Variants in ZFPM2 observed in about 807,000 individuals in gnomAD.
ZFPM2 encodes zinc finger protein, FOG family member 2, also known as zinc finger protein ZFPM2.
ZFPM2 carries 20 observed loss-of-function variants against 98.6 expected under a neutral mutation model. The ratio of observed to expected loss-of-function variants is 0.20; its 90% CI spans 0.14 to 0.29. The LOEUF is 0.29. ZFPM2 is among the 10% of genes least tolerant of loss of function. ZFPM2 has a pLI of 1.00. For synonymous variants in ZFPM2, 518 were observed against 502.7 expected, an observed-to-expected ratio of 1.03 and a Z score of -0.41; for missense variants, 1,310 against 1,388.6, an observed-to-expected ratio of 0.94 and a Z score of 0.90.
chr8:105,612,319 C>T (rs1816323918), intron 4 of ZFPM2, among the ~76,000 whole-genome samples: 2 of 151,556 alleles, frequency 1.3e-5, no homozygotes, highest in South Asian at 4.2e-4. Flanking sequence ...TATAAAAGTG[C>T]ATTGGTTTTC....
intron 3 of ZFPM2, among the ~76,000 whole-genome samples, chr8:105,555,082 C>CTT (rs879460703): frequency 7.1e-6 from 1 of 140,510 alleles, no homozygotes; most frequent in Non-Finnish European, 1.6e-5. Context: ...GACTTAGGGC[C>CTT]TTTTTTTTTT....
intron 1 of ZFPM2, among the ~76,000 whole-genome samples, chr8:105,337,764 A>G (rs1164022320): frequency 6.7e-6 from 1 of 150,374 alleles, no homozygotes; most frequent in Non-Finnish European, 1.5e-5. Flanking sequence ...TTTTTTTTTA[A>G]TTTAGTGAAA....
At chr8:105,695,588 T>C (rs1353466174) in intron 5 of ZFPM2, among the ~76,000 whole-genome samples, 1 of 152,102 alleles carries the variant, frequency 6.6e-6, no homozygotes, top group East Asian at 1.9e-4. Context: ...CACATTTCAG[T>C]GTTTTGTTAA....
intron 5 of ZFPM2, among the ~76,000 whole-genome samples, chr8:105,723,210 T>C (rs968654073): frequency 4.6e-5 from 7 of 151,944 alleles, no homozygotes; most frequent in African/African-American, 1.7e-4. Flanking sequence ...TTGGCTCTGT[T>C]GAAAATCCTG....
Position 105,706,070 on chromosome 8 carries a change from T to G in ZFPM2, c.532+71713T>G, listed in dbSNP as rs116871170. Among the ~76,000 whole-genome samples, 388 of 152,236 alleles carry G rather than the reference T, an allele frequency of 2.5e-3. 1 individual carries two copies. The highest frequency in any genetic ancestry group is 4.5e-3 in the Non-Finnish European group (307 of 68,008). ...CCCAGGCATGTGAGTGTATATATAT[T>G]TATCCCCATTTTATTGATGAAGGAG... On this transcript the variant is annotated intron_variant, in intron 5 of 7. Coordinates refer to ENST00000407775, the MANE Select transcript of ZFPM2 (RefSeq NM_012082.4).
chr8:105,533,484 G>A (rs2130591421), intron 3 of ZFPM2, among the ~76,000 whole-genome samples: 1 of 152,192 alleles, frequency 6.6e-6, no homozygotes, highest in East Asian at 1.9e-4. Context: ...GTATCTGGAA[G>A]AGTACTATAT....
intron 5 of ZFPM2, among the ~76,000 whole-genome samples, chr8:105,701,306 T>A (rs1180294395): frequency 1.3e-5 from 2 of 152,218 alleles, no homozygotes; most frequent in Non-Finnish European, 2.9e-5. Flanking sequence ...TTTCTTTGAC[T>A]CAGTGATTAT....
At chr8:105,574,558 T>C (rs1815424720) in intron 4 of ZFPM2, among the ~76,000 whole-genome samples, 1 of 152,182 alleles carries the variant, frequency 6.6e-6, no homozygotes, top group Non-Finnish European at 1.5e-5. Context: ...TAGAGCTCCA[T>C]ACAGAATGGA....
At chr8:105,713,658 A>G (rs912082685) in intron 5 of ZFPM2, among the ~76,000 whole-genome samples, 1 of 152,036 alleles carries the variant, frequency 6.6e-6, no homozygotes, top group African/African-American at 2.4e-5. Context: ...GGTGAGAGGT[A>G]GGCATCCAGG....
intron 3 of ZFPM2, among the ~76,000 whole-genome samples, chr8:105,449,484 A>G (rs994578339): frequency 6.6e-6 from 1 of 152,068 alleles, no homozygotes; most frequent in African/African-American, 2.4e-5. Context: ...GTAGAAAATC[A>G]AACACTATAT....
chr8:105,438,515 C>T (rs1305409305), intron 2 of ZFPM2, among the ~76,000 whole-genome samples: 1 of 152,172 alleles, frequency 6.6e-6, no homozygotes, highest in Non-Finnish European at 1.5e-5. Flanking sequence ...GCAATGTATT[C>T]TTCCAGACAC....
chr8:105,573,037 C>T (rs1018666010), intron 4 of ZFPM2, among the ~76,000 whole-genome samples: 5 of 152,050 alleles, frequency 3.3e-5, no homozygotes, highest in Non-Finnish European at 7.4e-5. Context: ...ATAATGTCTC[C>T]CACAAGGCTT....
rs1158726315 is a variant in ZFPM2 at position 105,382,516 on chromosome 8, TA to T, written c.41-36624del. 1.6e-4 allele frequency among the ~76,000 whole-genome samples: 25 copies of T among 152,064 alleles called. 1 individual carries two copies. The highest frequency in any genetic ancestry group is 1.6e-3 in the Admixed American group (25 of 15,250). On this transcript the variant is annotated intron_variant, in intron 1 of 7. Coordinates refer to ENST00000407775, the MANE Select transcript of ZFPM2 (RefSeq NM_012082.4). ...CCTTCATTGAGAAGAATATTAAAAA[TA>T]AAATAGAAAATGTTATTTTACCCTT...
chr8:105,593,727 A>G (rs1469420453), intron 4 of ZFPM2, among the ~76,000 whole-genome samples: 1 of 151,860 alleles, frequency 6.6e-6, no homozygotes, highest in Non-Finnish European at 1.5e-5. Context: ...ACATTAAAAT[A>G]TTGAACACAC....
chr8:105,695,371 G>A (rs1008514563), intron 5 of ZFPM2, among the ~76,000 whole-genome samples: 2 of 144,758 alleles, frequency 1.4e-5, no homozygotes, highest in Non-Finnish European at 3.0e-5. Flanking sequence ...AGGCAAGAAT[G>A]GTTTGTATTT....
intron 5 of ZFPM2, among the ~76,000 whole-genome samples, chr8:105,700,157 A>G (rs1486242527): frequency 6.6e-6 from 1 of 152,218 alleles, no homozygotes; most frequent in Non-Finnish European, 1.5e-5. Context: ...TCGGCAAAGC[A>G]AGAGGGCCTA....
intron 1 of ZFPM2, among the ~76,000 whole-genome samples, chr8:105,336,447 C>T (rs1812326227): frequency 6.6e-6 from 1 of 151,410 alleles, no homozygotes. Flanking sequence ...TTTTAAAGGT[C>T]TTTGGTTTGC....
chr8:105,776,777 T>G (rs1813115872), intron 5 of ZFPM2, among the ~76,000 whole-genome samples: 1 of 152,154 alleles, frequency 6.6e-6, no homozygotes, highest in Admixed American at 6.6e-5. Flanking sequence ...ACTTACTAAG[T>G]GAATAGGGAA....
At chr8:105,499,747 T>C (rs1813550870) in intron 3 of ZFPM2, among the ~76,000 whole-genome samples, 1 of 152,108 alleles carries the variant, frequency 6.6e-6, no homozygotes, top group African/African-American at 2.4e-5. Context: ...AATGATTGTT[T>C]TAGAGGAGAC....
Sources: gnomAD v4.1 joint callset for allele counts (sites outside exome capture counted in the v4.1 genomes callset) on GRCh38, gnomAD v4.1.1 for gene constraint, MANE v1.5 for transcripts, NCBI Gene and HGNC (gene_info 2026-07-23, HGNC 2026-07-21) for gene names.